Variants in ZIM2 observed in about 807,000 individuals in gnomAD.
The protein encoded by ZIM2 is zinc finger imprinted 2, also known as zinc finger protein 656.
Under a neutral mutation model 38.6 loss-of-function variants are expected in ZIM2, and 14 were observed. The ratio of observed to expected loss-of-function variants is 0.36; its 90% confidence interval spans 0.24 to 0.57. The LOEUF is 0.57. Among genes scored for constraint, ZIM2 ranks in the 20% least tolerant of loss-of-function variants. The pLI, the probability that ZIM2 is intolerant of heterozygous loss-of-function variation, is 0.81. For synonymous variants in ZIM2, 247 were observed against 245.8 expected (o/e 1.00, Z -0.04); for missense variants, 680 against 695.1 (o/e 0.98, Z 0.24).
chr19:56,835,156 C>A (rs1222690665), intron 2 of ZIM2, among the ~76,000 whole-genome samples: 4 of 152,092 alleles, frequency 2.6e-5, no homozygotes, highest in Non-Finnish European at 5.9e-5. Flanking sequence ...AAGTTGGTCT[C>A]CCCACACCCA....
At chr19:56,788,081 G>GT (rs1250072054) in intron 10 of ZIM2, among the ~76,000 whole-genome samples, 3,167 of 142,134 alleles carry the variant, frequency 0.022, 87 homozygotes, top group African/African-American at 0.061. Flanking sequence ...TTTTTGAAGG[G>GT]TTTTTTTTTT....
At chr19:56,832,190 G>GT (rs1365560075) in intron 2 of ZIM2, among the ~76,000 whole-genome samples, 2 of 152,138 alleles carry the variant, frequency 1.3e-5, no homozygotes, top group African/African-American at 4.8e-5. Flanking sequence ...ATATAAAAAT[G>GT]TAAGTAAATG....
chr19:56,809,028 C>A (rs192433469), intron 9 of ZIM2, among the ~76,000 whole-genome samples: 87 of 152,246 alleles, frequency 5.7e-4, no homozygotes, highest in African/African-American at 1.8e-3. Flanking sequence ...GTTAGTTACC[C>A]CTTCAACTGG....
chr19:56,811,562 CCT>C (rs1356428429), intron 9 of ZIM2: 2 of 985,130 alleles, frequency 2.0e-6, no homozygotes, highest in African/African-American at 3.5e-5. Context: ...GAACGGACAC[CCT>C]GACTTACAGC....
intron 2 of ZIM2, among the ~76,000 whole-genome samples, chr19:56,834,847 G>A (rs1226454344): frequency 6.6e-6 from 1 of 152,122 alleles, no homozygotes; most frequent in African/African-American, 2.4e-5. Flanking sequence ...TTTCCATTCA[G>A]TAGACACTGA....
chr19:56,825,967 G>T (rs2060988084), intron 3 of ZIM2, among the ~76,000 whole-genome samples: 1 of 152,098 alleles, frequency 6.6e-6, no homozygotes, highest in South Asian at 2.1e-4. Flanking sequence ...TATGCAAACT[G>T]CCCTCCCACG....
intron 10 of ZIM2, among the ~76,000 whole-genome samples, chr19:56,783,868 T>C (rs578046542): frequency 2.0e-5 from 3 of 152,200 alleles, no homozygotes; most frequent in Non-Finnish European, 4.4e-5. Flanking sequence ...TCTTCAAATC[T>C]AACATTATCC....
At chr19:56,813,995 C>T (rs761656168) in intron 9 of ZIM2, 2 of 1,613,990 alleles carry the variant, frequency 1.2e-6, no homozygotes, top group East Asian at 4.5e-5. Context: ...CCCACACCGT[C>T]AGGCTCGTCG....
rs774336657 is a variant in ZIM2 at position 56,813,683 on chromosome 19, T to C, written c.490+4063A>G. The C allele has an allele frequency of 3.1e-6, 5 of 1,611,880 alleles. No homozygotes were observed. In the African/African-American group the frequency reaches 5.3e-5, roughly 17 times the overall value. On this transcript the variant is annotated intron_variant, in intron 9 of 12. Transcript: ENST00000629319. ...ACCTTTACCCCATGCCCTCAGCCAG[T>C]GTGGGTATTCTGGTGTCTGGCGAGG... is the stretch of plus-strand genomic sequence containing the variant.
At chr19:56,835,198 A>G (rs2061968354) in intron 2 of ZIM2, among the ~76,000 whole-genome samples, 1 of 152,084 alleles carries the variant, frequency 6.6e-6, no homozygotes, top group South Asian at 2.1e-4. Context: ...GCACCCTGAA[A>G]CCAGATGATC....
chr19:56,806,296 C>T (rs1318969081), intron 9 of ZIM2, among the ~76,000 whole-genome samples: 1 of 152,170 alleles, frequency 6.6e-6, no homozygotes, highest in Non-Finnish European at 1.5e-5. Flanking sequence ...GATAGGTAGT[C>T]AAGAATCATC....
intron 7 of ZIM2, 57 bp from the exon 8 acceptor site, chr19:56,818,759 CAG>C: frequency 6.3e-7 from 1 of 1,586,094 alleles, no homozygotes; most frequent in Non-Finnish European, 8.7e-7. Flanking sequence ...TGTTCAAAGA[CAG>C]AATAATGTTG....
intron 9 of ZIM2, chr19:56,793,103 G>C (rs2047025861): frequency 6.6e-6 from 1 of 152,650 alleles, no homozygotes; most frequent in African/African-American, 2.4e-5. Context: ...TCCTCTGGCA[G>C]GGTGCTCAGA....
chr19:56,780,865 G>C (rs916033327), intron 11 of ZIM2, among the ~76,000 whole-genome samples: 1 of 152,280 alleles, frequency 6.6e-6, no homozygotes, highest in South Asian at 2.1e-4. Flanking sequence ...TGCTGTCCAT[G>C]TACTGCCTAA....
In ZIM2 at chr19:56,828,114, C is replaced by CA. The variant is rs1488061105; in HGVS notation, c.-226-1652dup. Among the ~76,000 whole-genome samples, 8 of 152,280 alleles carry CA rather than the reference C, an allele frequency of 5.3e-5. No individual in the cohort carries two copies. In the East Asian group the frequency reaches 1.5e-3, roughly 29 times the overall value. On this transcript the variant is annotated intron_variant, in intron 2 of 12. Transcript: ENST00000629319. ...AGAGGCCTTTAGAGGTTGTGCTACT[C>CA]ACAGAGCAGGTGCAGGCAGCCGTAA...
At chr19:56,797,300 TCAAATAAATAAATAAA>T (rs1469991283) in intron 9 of ZIM2, among the ~76,000 whole-genome samples, 1 of 151,456 alleles carries the variant, frequency 6.6e-6, no homozygotes, top group Non-Finnish European at 1.5e-5. Flanking sequence ...AGACTATGTC[TCAAATAAATAAATAAA>T]CAAATAAATA....
rs558945058 is a variant in ZIM2 at position 56,827,395 on chromosome 19, A to AT, written c.-226-933dup. The stretch of plus-strand genomic sequence containing the variant: ...TAGAAGCCATTGAAAAATGGAAGTT[A>AT]TTTTTTTAACAGAAAAACCTTAAAA... On this transcript the variant is annotated intron_variant, in intron 2 of 12. Transcript: ENST00000629319. Among the ~76,000 whole-genome samples the AT allele has an allele frequency of 2.2e-3, 338 of 152,204 alleles. 2 individuals carry two copies. Among genetic ancestry groups the AT allele is most frequent in the Non-Finnish European group, 3.5e-3 (235 of 68,000 alleles).
chr19:56,825,229 C>T (rs2060904693), intron 3 of ZIM2, among the ~76,000 whole-genome samples: 1 of 152,210 alleles, frequency 6.6e-6, no homozygotes, highest in Non-Finnish European at 1.5e-5. Flanking sequence ...AACATTTCTT[C>T]CCTTAACACA....
intron 7 of ZIM2, among the ~76,000 whole-genome samples, chr19:56,820,665 C>G (rs1793441874): frequency 6.6e-6 from 1 of 152,214 alleles, no homozygotes; most frequent in African/African-American, 2.4e-5. Context: ...TCCCTTCAAT[C>G]CAAATCAAGG....
Sources: allele counts gnomAD v4.1 joint callset (sites outside exome capture counted in the v4.1 genomes callset), GRCh38; gene constraint gnomAD v4.1.1; transcripts MANE v1.5; gene names NCBI Gene and HGNC (gene_info 2026-07-23, HGNC 2026-07-21).